LDB2: variants seen among roughly 807,000 people sequenced by gnomAD.
The protein encoded by LDB2 is LIM domain binding 2, also known as LIM domain-binding protein 2.
LDB2 carries 12 observed loss-of-function variants against 44.3 expected under a neutral mutation model. The observed-to-expected ratio is 0.27, with a 90% CI of 0.17 to 0.44. The LOEUF (loss-of-function observed/expected upper bound fraction) is 0.44. Ranked by LOEUF, LDB2 falls within the 20% of genes least tolerant of loss-of-function variation. The pLI, the probability that LDB2 is intolerant of heterozygous loss-of-function variation, is 1.00. For synonymous variants in LDB2, 164 were observed against 174.8 expected (o/e 0.94, Z 0.49); for missense variants, 344 against 473.5 (o/e 0.73, Z 2.54).
chr4:16,679,017 T>C (rs554343611), intron 2 of LDB2, among the ~76,000 whole-genome samples: 8 of 152,342 alleles, frequency 5.3e-5, no homozygotes, highest in African/African-American at 1.9e-4. Flanking sequence ...CCTGACCTCA[T>C]TGTTAGGTTA....
Position 16,511,919 on chromosome 4 carries a change from T to G in LDB2, c.739+62A>C, listed in dbSNP as rs564512886. The G allele has an allele frequency of 2.6e-5, 40 of 1,545,762 alleles. No individual in the cohort carries two copies. In the East Asian group the frequency reaches 9.1e-4, roughly 35 times the overall value. ...ATCACTTTCTTCTTTTTCACATCAC[T>G]TCATCCCTGGAAGACACCTCTGAAA... On this transcript the variant is annotated intron_variant, in intron 6 of 7. Transcript: ENST00000304523.
chr4:16,658,685 T>A (rs534685067), intron 2 of LDB2, among the ~76,000 whole-genome samples: 4 of 152,274 alleles, frequency 2.6e-5, no homozygotes, highest in African/African-American at 9.6e-5. Context: ...CACAGGGTGG[T>A]CCGATTGTGA....
At chr4:16,731,311 G>A (rs1176607763) in intron 2 of LDB2, among the ~76,000 whole-genome samples, 1 of 152,142 alleles carries the variant, frequency 6.6e-6, no homozygotes, top group African/African-American at 2.4e-5. Flanking sequence ...CGAAATATGG[G>A]TTCACTTATT....
intron 5 of LDB2, among the ~76,000 whole-genome samples, chr4:16,568,788 G>C (rs2152394774): frequency 6.6e-6 from 1 of 152,296 alleles, no homozygotes; most frequent in African/African-American, 2.4e-5. Flanking sequence ...ACATATAGGT[G>C]GACCCTCGCA....
At chr4:16,872,018 A>G (rs1716815407) in intron 1 of LDB2, among the ~76,000 whole-genome samples, 1 of 152,166 alleles carries the variant, frequency 6.6e-6, no homozygotes, top group Non-Finnish European at 1.5e-5. Flanking sequence ...GGGAGAATTA[A>G]TTGGCTATAC....
intron 2 of LDB2, among the ~76,000 whole-genome samples, chr4:16,665,986 G>C (rs1004446521): frequency 1.3e-5 from 2 of 152,270 alleles, no homozygotes; most frequent in Non-Finnish European, 2.9e-5. Context: ...CAGGATGGGG[G>C]CCTGGAACAA....
At chr4:16,833,865 T>C (rs888612416) in intron 1 of LDB2, among the ~76,000 whole-genome samples, 7 of 152,116 alleles carry the variant, frequency 4.6e-5, no homozygotes, top group Non-Finnish European at 5.9e-5. Flanking sequence ...TTACTCAGTC[T>C]ATTCCAGCTC....
At chr4:16,716,453 T>C (rs1456111544) in intron 2 of LDB2, among the ~76,000 whole-genome samples, 1 of 152,206 alleles carries the variant, frequency 6.6e-6, no homozygotes, top group Admixed American at 6.6e-5. Flanking sequence ...AAAGCCAGGC[T>C]CTGATGTGGG....
At chr4:16,831,891 T>A (rs1784127142) in intron 1 of LDB2, among the ~76,000 whole-genome samples, 1 of 152,110 alleles carries the variant, frequency 6.6e-6, no homozygotes, top group South Asian at 2.1e-4. Context: ...TTCTGTGTGC[T>A]AATATGGGCG....
rs1448916279 is a variant in LDB2, at chr4:16,582,550, G to A, written c.615+3372C>T. Among the ~76,000 whole-genome samples the A allele has an allele frequency of 2.0e-5, 3 of 152,174 alleles. No homozygotes were observed. Among genetic ancestry groups the A allele is most frequent in the Non-Finnish European group, 4.4e-5 (3 of 68,030 alleles). ...GAAAGGTGCCATCTCCCCATGTCAT[G>A]GAACAGTTTTCCCCAGAACACTGAG... On this transcript the variant is annotated intron_variant, in intron 5 of 7. Coordinates refer to ENST00000304523, the MANE Select transcript of LDB2 (RefSeq NM_001290.5). The surrounding 1 kb of genome is among the most constrained non-coding windows in gnomAD (Gnocchi z 4.8).
intron 2 of LDB2, among the ~76,000 whole-genome samples, chr4:16,712,770 G>T (rs1353655370): frequency 6.6e-6 from 1 of 152,126 alleles, no homozygotes; most frequent in Non-Finnish European, 1.5e-5. Flanking sequence ...ATGTAAAATG[G>T]TGCAGCTGCT....
At chr4:16,516,014 C>T (rs1723558094) in intron 5 of LDB2, among the ~76,000 whole-genome samples, 1 of 152,122 alleles carries the variant, frequency 6.6e-6, no homozygotes, top group South Asian at 2.1e-4. Flanking sequence ...CAGGCGCCCG[C>T]CACCACGCCC....
At chr4:16,869,625 G>T (rs565758807) in intron 1 of LDB2, among the ~76,000 whole-genome samples, 2 of 152,146 alleles carry the variant, frequency 1.3e-5, no homozygotes, top group African/African-American at 4.8e-5. Flanking sequence ...AAATCCAAGC[G>T]CAGAGAGTTC....
intron 2 of LDB2, chr4:16,752,422 T>C (rs1561101454): frequency 2.2e-6 from 1 of 454,172 alleles, no homozygotes; most frequent in Non-Finnish European, 4.4e-6. Flanking sequence ...TCCATTAATA[T>C]TCATTTTTTC....
intron 5 of LDB2, among the ~76,000 whole-genome samples, chr4:16,539,733 C>CAATCACTTTCACTT (rs1733102471): frequency 6.6e-6 from 1 of 152,092 alleles, no homozygotes; most frequent in South Asian, 2.1e-4. Flanking sequence ...TTTCTCTTAT[C>CAATCACTTTCACTT]TAGTAAGACA....
At chr4:16,752,518 A>T (rs1475716808) in intron 2 of LDB2, 1 of 410,774 alleles carries the variant, frequency 2.4e-6, no homozygotes, top group Non-Finnish European at 4.8e-6. Context: ...TCTTCCCACT[A>T]TGTGCCAAAT....
chr4:16,570,181 C>T (rs1197623674), intron 5 of LDB2, among the ~76,000 whole-genome samples: 4 of 151,954 alleles, frequency 2.6e-5, no homozygotes, highest in South Asian at 2.1e-4. Context: ...AAGTTTACAT[C>T]GGCTGGACAC....
At chr4:16,586,519 C>A (rs1429663045) in intron 4 of LDB2, among the ~76,000 whole-genome samples, 2 of 86,260 alleles carry the variant, frequency 2.3e-5, no homozygotes, top group African/African-American at 8.5e-5. Flanking sequence ...CACACACACA[C>A]ACACACAAAA....
chr4:16,605,517 A>C (rs894263149), intron 2 of LDB2, among the ~76,000 whole-genome samples: 1 of 152,252 alleles, frequency 6.6e-6, no homozygotes, highest in Non-Finnish European at 1.5e-5. Context: ...GGTACTCACT[A>C]GCTCGTCACA....
Sources: allele counts gnomAD v4.1 joint callset (sites outside exome capture counted in the v4.1 genomes callset), GRCh38; gene constraint gnomAD v4.1.1; non-coding constraint Gnocchi (gnomAD v3.1); transcripts MANE v1.5; gene names NCBI Gene and HGNC (gene_info 2026-07-23, HGNC 2026-07-21).